ARHGAP42: variants seen among roughly 807,000 people sequenced by gnomAD.
The protein encoded by ARHGAP42 is rho GTPase-activating protein 42.
Under a neutral mutation model 125.0 loss-of-function variants are expected in ARHGAP42, and 63 were observed. The ratio of observed to expected loss-of-function variants is 0.50; its 90% CI spans 0.41 to 0.62. The LOEUF is 0.62. Ranked by LOEUF, ARHGAP42 falls within the 20% of genes least tolerant of loss-of-function variation. The pLI, the probability that ARHGAP42 is intolerant of heterozygous loss-of-function variation, is 0.00. For missense variants in ARHGAP42, 766 were observed against 1,024.2 expected, an observed-to-expected ratio of 0.75 and a Z score of 3.44; for synonymous variants, 339 against 351.0, an observed-to-expected ratio of 0.97 and a Z score of 0.38.
At chr11:100,888,908 C>CT (rs1866156594) in intron 4 of ARHGAP42, among the ~76,000 whole-genome samples, 1 of 152,152 alleles carries the variant, frequency 6.6e-6, no homozygotes, top group Non-Finnish European at 1.5e-5. Flanking sequence ...CATTTGTTTC[C>CT]TAGTGCAGTT....
At chr11:100,938,848 C>T (rs571282383) in intron 8 of ARHGAP42, among the ~76,000 whole-genome samples, 3 of 152,266 alleles carry the variant, frequency 2.0e-5, no homozygotes, top group African/African-American at 4.8e-5. Context: ...TAAGATGTAT[C>T]GATTGTGCAC....
At chr11:100,688,035 A>G in intron 1 of ARHGAP42, 1 of 480,728 alleles carries the variant, frequency 2.1e-6, no homozygotes, top group South Asian at 3.7e-5. Flanking sequence ...AGGGATGGGG[A>G]AAGTTCTCTA....
At chr11:100,917,837 G>T (rs1867115804) in intron 5 of ARHGAP42, among the ~76,000 whole-genome samples, 1 of 152,164 alleles carries the variant, frequency 6.6e-6, no homozygotes, top group East Asian at 1.9e-4. Context: ...CTCCCAAATT[G>T]CTGGGATTAT....
intron 3 of ARHGAP42, chr11:100,840,799 A>G (rs1048959710): frequency 2.6e-5 from 4 of 152,088 alleles, no homozygotes; most frequent in African/African-American, 9.7e-5. Flanking sequence ...GTTGTTCCCA[A>G]ATTTGTATTA....
At chr11:100,835,077 A>C (rs1864754606) in intron 3 of ARHGAP42, among the ~76,000 whole-genome samples, 1 of 152,062 alleles carries the variant, frequency 6.6e-6, no homozygotes, top group Admixed American at 6.6e-5. Flanking sequence ...AAATGTGTCA[A>C]ATAGTGTCGA....
At position 100,965,760 on chromosome 11, in the gene ARHGAP42, A is replaced by G. The variant is rs1591327269; in HGVS notation, c.1534A>G (p.Ile512Val). The G allele has an allele frequency of 6.4e-7, 1 of 1,550,796 alleles. No individual in the cohort carries two copies. Among genetic ancestry groups the G allele is most frequent in the Non-Finnish European group, 8.7e-7 (1 of 1,146,314 alleles). Residue 512 changes from isoleucine (I) to valine (V), a missense_variant, in exon 17 of 24, where the codon ATA (isoleucine) becomes GTA (valine). Coordinates refer to ENST00000298815, the MANE Select transcript of ARHGAP42 (RefSeq NM_152432.4). ...EKNREMLDIL[I>V]KHLVKVSLHS... is the part of the protein sequence containing the mutation. ...AAACAGAGAGATGCTGGACATCTTAATAAAGCATCTGGTCAAGTAATTCTC... is the reference window on the plus strand; with the variant it reads ...AAACAGAGAGATGCTGGACATCTTAGTAAAGCATCTGGTCAAGTAATTCTC...
At chr11:100,843,527 A>G (rs138915270) in intron 3 of ARHGAP42, among the ~76,000 whole-genome samples, 2,058 of 152,196 alleles carry the variant, frequency 0.014, 46 homozygotes, top group African/African-American at 0.046. Context: ...CTGTTTGCTG[A>G]TGATATGATT....
In ARHGAP42 at chr11:100,993,222, T is replaced by G. The variant is rs1164794170; in HGVS notation, c.*4421T>G. 6.0e-6 allele frequency: 1 copy of G among 167,408 alleles called. No homozygotes were observed. The highest frequency in any genetic ancestry group is 1.5e-5 in the Non-Finnish European group (1 of 68,428). The allele number at this position is 167,408 out of a possible 1,614,324, so 10.4% of individuals were successfully genotyped here. On this transcript the variant is annotated 3_prime_UTR_variant, in exon 24 of 24. Coordinates refer to ENST00000298815, the MANE Select transcript of ARHGAP42 (RefSeq NM_152432.4). ...CATCCAGAGTTGACAACAACTCAAT[T>G]TTGCCTTGAATTTACTCAGTCTTAT...
intron 6 of ARHGAP42, among the ~76,000 whole-genome samples, chr11:100,925,744 AT>A (rs1222446054): frequency 6.6e-6 from 1 of 152,244 alleles, no homozygotes; most frequent in Non-Finnish European, 1.5e-5. Context: ...TCTCAAAAAA[AT>A]AAATAAAAAT....
intron 1 of ARHGAP42, chr11:100,688,097 G>A (rs1258944338): frequency 1.0e-5 from 3 of 287,054 alleles, no homozygotes; most frequent in Non-Finnish European, 1.9e-5. Flanking sequence ...ATCTCGTTGT[G>A]TAATGCTCCT....
intron 3 of ARHGAP42, among the ~76,000 whole-genome samples, chr11:100,841,379 C>A (rs186693172): frequency 6.6e-6 from 1 of 152,028 alleles, no homozygotes; most frequent in East Asian, 1.9e-4. Context: ...GGCAGAACTT[C>A]CCCTCAACTC....
intron 1 of ARHGAP42, among the ~76,000 whole-genome samples, chr11:100,704,082 G>GT (rs1861440607): frequency 6.6e-6 from 1 of 152,166 alleles, no homozygotes; most frequent in African/African-American, 2.4e-5. Context: ...GAGACATTCA[G>GT]TTAAGAATTG....
chr11:100,770,371 C>T lies in ARHGAP42; in HGVS notation c.183C>T (p.Ser61=). 2.6e-6 allele frequency: 4 copies of T among 1,550,028 alleles called. No individual in the cohort carries two copies. The Admixed American group carries it at 5.9e-5, about 23-fold the overall frequency. ...RNLSMAVQKF[S]QSLQDFQFEC... ...TGTCTATGGCAGTGCAGAAATTTTC[C>T]CAGTCATTGCAAGATTTCCAGTTTG... is the stretch of plus-strand genomic sequence containing the variant. The change falls in exon 2 of 24, where the codon TCC becomes TCT. Residue 61 remains serine, a synonymous_variant. Coordinates refer to ENST00000298815, the MANE Select transcript of ARHGAP42 (RefSeq NM_152432.4).
chr11:100,903,561 C>T (rs1866621628), intron 4 of ARHGAP42, among the ~76,000 whole-genome samples: 1 of 151,308 alleles, frequency 6.6e-6, no homozygotes, highest in South Asian at 2.1e-4. Flanking sequence ...TCAGAGCCAT[C>T]AGCTTCTAGC....
At chr11:100,923,866 G>A (rs1401414448) in intron 6 of ARHGAP42, among the ~76,000 whole-genome samples, 1 of 152,082 alleles carries the variant, frequency 6.6e-6, no homozygotes, top group African/African-American at 2.4e-5. Flanking sequence ...TAGCCTCAGA[G>A]TCTCATCCAT....
chr11:100,961,709 T>C lies in ARHGAP42; in HGVS notation c.1326T>C (p.Asp442=), dbSNP rs759963265. The C allele has an allele frequency of 6.4e-7, 1 of 1,551,672 alleles. No individual in the cohort carries two copies. The highest frequency in any genetic ancestry group is 1.2e-5 in the South Asian group (1 of 84,034). The change falls in exon 15 of 24, where the codon GAT becomes GAC. Residue 442 remains aspartate, a synonymous_variant. Transcript: ENST00000298815. ...CTCCTAAATCCCCTCCTGATATTGATATTGATATTGAACTGTGGGACAATA... is the reference window on the plus strand; with the variant it reads ...CTCCTAAATCCCCTCCTGATATTGACATTGATATTGAACTGTGGGACAATA... The part of the protein sequence containing the change: ...TFSPKSPPDI[D]IDIELWDNKT...
At chr11:100,905,142 A>G (rs1866687092) in intron 4 of ARHGAP42, among the ~76,000 whole-genome samples, 2 of 152,072 alleles carry the variant, frequency 1.3e-5, no homozygotes, top group Admixed American at 6.6e-5. Context: ...TCCCATCTCC[A>G]TTTTTCTCCT....
rs139017160 is a variant in ARHGAP42 at position 100,720,254 on chromosome 11, G to A, written c.154+32422G>A. On this transcript the variant is annotated intron_variant, in intron 1 of 23. Coordinates refer to ENST00000298815, the MANE Select transcript of ARHGAP42 (RefSeq NM_152432.4). ...CCTTTTACTGATTGCCCAGAAACTG[G>A]ATGATCTGGCAGAATTAAATGGATT... 4.5e-3 allele frequency among the ~76,000 whole-genome samples: 687 copies of A among 152,222 alleles called. 13 individuals carry two copies. Among genetic ancestry groups the A allele is most frequent in the South Asian group, 0.019 (92 of 4,828 alleles).
intron 1 of ARHGAP42, among the ~76,000 whole-genome samples, chr11:100,722,026 T>G (rs1266051968): frequency 6.6e-6 from 1 of 152,226 alleles, no homozygotes; most frequent in Admixed American, 6.5e-5. Context: ...CTGCCAAACT[T>G]TTCCAAAGTG....
Sources: gnomAD v4.1 joint callset for allele counts (sites outside exome capture counted in the v4.1 genomes callset) on GRCh38, gnomAD v4.1.1 for gene constraint, MANE v1.5 for transcripts, NCBI Gene and HGNC (gene_info 2026-07-23, HGNC 2026-07-21) for gene names.